ROBO2: variants seen among roughly 807,000 people sequenced by gnomAD.
ROBO2 encodes the protein roundabout homolog 2.
ROBO2 carries 53 observed loss-of-function variants against 160.8 expected under a neutral mutation model. The observed-to-expected ratio is 0.33, with a 90% CI of 0.26 to 0.41. ROBO2 has a LOEUF of 0.41. Ranked by LOEUF, ROBO2 falls within the 10% of genes least tolerant of loss-of-function variation. ROBO2 has a pLI of 1.00. For missense variants in ROBO2, 1,577 were observed against 1,722.4 expected (o/e 0.92, Z 1.49); for synonymous variants, 664 against 611.7 (o/e 1.09, Z -1.26).
chr3:77,201,284 T>C (rs2082885368), intron 2 of ROBO2, among the ~76,000 whole-genome samples: 1 of 152,168 alleles, frequency 6.6e-6, no homozygotes. Flanking sequence ...TTTTTCTTTT[T>C]AGTGAGGGAA....
intron 2 of ROBO2, among the ~76,000 whole-genome samples, chr3:76,098,699 T>C (rs1431051267): frequency 2.0e-5 from 3 of 152,148 alleles, no homozygotes; most frequent in African/African-American, 7.2e-5. Flanking sequence ...TAAGAAATAA[T>C]GGCTCTTAAC....
rs1204343422 is a variant in ROBO2, at chr3:76,330,474, T to TA, written c.109+392873dup. The stretch of plus-strand genomic sequence containing the variant: ...GCAGTGTTATATGAGAATGACATAA[T>TA]ACTTAGTTTTATAACAGAAATGTAA... On this transcript the variant is annotated intron_variant, in intron 2 of 26. Transcript: ENST00000487694. Among the ~76,000 whole-genome samples the TA allele has an allele frequency of 2.6e-5, 4 of 152,372 alleles. No homozygotes were observed. In the East Asian group the frequency reaches 7.7e-4, roughly 29 times the overall value.
chr3:75,968,393 T>G lies in ROBO2; in HGVS notation c.109+30791T>G, dbSNP rs567488932. 4.7e-4 allele frequency among the ~76,000 whole-genome samples: 72 copies of G among 151,644 alleles called. 1 individual carries two copies. The highest frequency in any genetic ancestry group is 5.2e-4 in the Non-Finnish European group (35 of 67,694). On this transcript the variant is annotated intron_variant, in intron 2 of 26. Coordinates refer to the ROBO2 transcript ENST00000487694. Reference sequence around the variant, plus strand: ...GATAGTATTGAAGTAATTGTAAATCTCTCCCATTGGATTATTTTTTCAAGT... The same window carrying G: ...GATAGTATTGAAGTAATTGTAAATCGCTCCCATTGGATTATTTTTTCAAGT...
chr3:77,513,508 G>T (rs574225131), intron 5 of ROBO2, among the ~76,000 whole-genome samples: 4 of 151,988 alleles, frequency 2.6e-5, no homozygotes, highest in African/African-American at 9.6e-5. Flanking sequence ...ATTTTAGAGT[G>T]TAGTACTTTT....
At chr3:76,381,131 T>C (rs2076601593) in intron 2 of ROBO2, among the ~76,000 whole-genome samples, 1 of 151,966 alleles carries the variant, frequency 6.6e-6, no homozygotes, top group Non-Finnish European at 1.5e-5. Flanking sequence ...GGGTGATTGT[T>C]GGAAGGGCTT....
In ROBO2 at chr3:76,168,852, T is replaced by C. The variant is rs530149543; in HGVS notation, c.109+231250T>C. Among the ~76,000 whole-genome samples, 4 of 151,778 alleles carry C rather than the reference T, an allele frequency of 2.6e-5. No individual in the cohort carries two copies. The East Asian group carries it at 7.7e-4, about 29-fold the overall frequency. On this transcript the variant is annotated intron_variant, in intron 2 of 26. Coordinates refer to the ROBO2 transcript ENST00000487694. ...GAATAATAACCTGCCTTAATGGAAA[T>C]TGTGAATATTGATTGCCTATCTAGT...
chr3:76,274,300 GTAAC>G (rs1362667905), intron 2 of ROBO2, among the ~76,000 whole-genome samples: 1 of 151,660 alleles, frequency 6.6e-6, no homozygotes, highest in Non-Finnish European at 1.5e-5. Context: ...GTATACATAT[GTAAC>G]TAACCTGCAC....
At position 76,279,325 on chromosome 3, in the gene ROBO2, CTTTAA is replaced by C. The variant is rs1394329001; in HGVS notation, c.109+341733_109+341737del. On this transcript the variant is annotated intron_variant, in intron 2 of 26. Coordinates refer to the ROBO2 transcript ENST00000487694. ...ATATAACTTTCATGTTTATTTTAGG[CTTTAA>C]TTTAATTTATTGCACCATGTTCTGA... 4.6e-5 allele frequency among the ~76,000 whole-genome samples: 7 copies of C among 151,484 alleles called. No individual in the cohort carries two copies. The Admixed American group carries it at 4.6e-4, about 10-fold the overall frequency.
chr3:76,323,175 A>ACACACACACACACACACACACACC (rs752990413), intron 2 of ROBO2, among the ~76,000 whole-genome samples: 1 of 145,604 alleles, frequency 6.9e-6, no homozygotes, highest in Non-Finnish European at 1.5e-5. Context: ...ACACACACAC[A>ACACACACACACACACACACACACC]CCCCTAAAGG....
At chr3:77,373,377 C>T (rs1208871142) in intron 2 of ROBO2, among the ~76,000 whole-genome samples, 1 of 151,620 alleles carries the variant, frequency 6.6e-6, no homozygotes, top group East Asian at 1.9e-4. Context: ...GTTATTACTT[C>T]TGGAATTCAC....
chr3:76,224,706 C>G (rs1345005343), intron 2 of ROBO2, among the ~76,000 whole-genome samples: 1 of 150,952 alleles, frequency 6.6e-6, no homozygotes, highest in African/African-American at 2.4e-5. Flanking sequence ...TTCTATTTAA[C>G]CTTGAATCCT....
chr3:76,445,537 T>A (rs368373180), intron 2 of ROBO2, among the ~76,000 whole-genome samples: 1 of 152,190 alleles, frequency 6.6e-6, no homozygotes, highest in East Asian at 1.9e-4. Context: ...TAACTCATTT[T>A]ATGAGGCCAG....
chr3:76,694,313 A>C (rs2092879613), intron 2 of ROBO2, among the ~76,000 whole-genome samples: 2 of 152,178 alleles, frequency 1.3e-5, no homozygotes, highest in South Asian at 4.1e-4. Flanking sequence ...ATGATGAGTT[A>C]TAGTTATTCT....
Position 77,166,313 on chromosome 3 carries a change from C to A in ROBO2, c.388+67973C>A, listed in dbSNP as rs551629098. Among the ~76,000 whole-genome samples the A allele has an allele frequency of 7.4e-4, 112 of 152,060 alleles. 1 individual carries two copies. Among genetic ancestry groups the A allele is most frequent in the Middle Eastern group, 3.4e-3 (1 of 294 alleles). ...AGAAAGAAACATTCTTCTACATAATCACAATATTTTCACACTCAGGAAATT... is the reference window on the plus strand; with the variant it reads ...AGAAAGAAACATTCTTCTACATAATAACAATATTTTCACACTCAGGAAATT... On this transcript the variant is annotated intron_variant, in intron 2 of 25. Coordinates refer to ENST00000461745, the Ensembl canonical transcript of ROBO2.
intron 2 of ROBO2, among the ~76,000 whole-genome samples, chr3:76,501,927 G>A (rs953982550): frequency 6.6e-6 from 1 of 152,102 alleles, no homozygotes; most frequent in African/African-American, 2.4e-5. Context: ...TTCTGGAAGA[G>A]ATTGATCAAA....
At chr3:76,676,786 G>A (rs1407106207) in intron 2 of ROBO2, among the ~76,000 whole-genome samples, 1 of 152,006 alleles carries the variant, frequency 6.6e-6, no homozygotes, top group Admixed American at 6.6e-5. Flanking sequence ...TTGGTTGTAG[G>A]GCTTTTTTTT....
At chr3:77,210,299 G>A (rs549566499) in intron 2 of ROBO2, among the ~76,000 whole-genome samples, 1 of 151,896 alleles carries the variant, frequency 6.6e-6, no homozygotes, top group South Asian at 2.1e-4. Context: ...CCTAAATTAT[G>A]TTCAAAAATG....
intron 2 of ROBO2, among the ~76,000 whole-genome samples, chr3:76,230,770 A>G (rs151235829): frequency 4.3e-4 from 65 of 152,254 alleles, no homozygotes; most frequent in African/African-American, 1.5e-3. Flanking sequence ...AACCTCTAAT[A>G]CCTGTGAACA....
intron 2 of ROBO2, among the ~76,000 whole-genome samples, chr3:77,236,590 T>C (rs2088019519): frequency 6.6e-6 from 1 of 152,196 alleles, no homozygotes; most frequent in Admixed American, 6.5e-5. Context: ...TATTGGTTGG[T>C]AGGCATTCTA....
Sources: gnomAD v4.1 joint callset for allele counts (sites outside exome capture counted in the v4.1 genomes callset) on GRCh38, gnomAD v4.1.1 for gene constraint, MANE v1.5 for transcripts, NCBI Gene and HGNC (gene_info 2026-07-23, HGNC 2026-07-21) for gene names.